Variants in DLG2 observed in about 807,000 individuals in gnomAD.
The protein encoded by DLG2 is disks large homolog 2.
DLG2 carries 45 observed loss-of-function variants against 132.5 expected under a neutral mutation model. That is an observed-to-expected ratio of 0.34 (90% CI 0.27 to 0.44). The LOEUF (loss-of-function observed/expected upper bound fraction) is 0.44, where lower values mean the gene tolerates loss of function less well. Among genes scored for constraint, DLG2 ranks in the 20% least tolerant of loss-of-function variants. The pLI is 1.00. For synonymous variants in DLG2, 424 were observed against 419.6 expected (o/e 1.01, Z -0.13); for missense variants, 1,045 against 1,196.9 (o/e 0.87, Z 1.87).
chr11:84,639,563 T>C (rs915425472), intron 6 of DLG2, among the ~76,000 whole-genome samples: 5 of 152,196 alleles, frequency 3.3e-5, no homozygotes, highest in African/African-American at 7.2e-5. Flanking sequence ...TTCCAGGGCA[T>C]TGGTGAGGTC....
chr11:84,351,530 A>C (rs2098571197), intron 7 of DLG2, among the ~76,000 whole-genome samples: 1 of 152,228 alleles, frequency 6.6e-6, no homozygotes, highest in African/African-American at 2.4e-5. Context: ...TTTACCTTAA[A>C]AAATATTAAT....
At chr11:84,135,047 T>C (rs921279974) in intron 9 of DLG2, among the ~76,000 whole-genome samples, 2 of 152,162 alleles carry the variant, frequency 1.3e-5, no homozygotes, top group Non-Finnish European at 2.9e-5. Context: ...ATCTAATATA[T>C]TACTTATCTA....
At chr11:84,703,301 G>A (rs748845033) in intron 6 of DLG2, among the ~76,000 whole-genome samples, 1 of 151,544 alleles carries the variant, frequency 6.6e-6, no homozygotes, top group Non-Finnish European at 1.5e-5. Flanking sequence ...TGTGTCTACT[G>A]TAGTAGGGTT....
chr11:84,395,825 T>C (rs1337208276), intron 7 of DLG2, among the ~76,000 whole-genome samples: 1 of 152,254 alleles, frequency 6.6e-6, no homozygotes, highest in Non-Finnish European at 1.5e-5. Flanking sequence ...TTTAAAAATA[T>C]ATTGTATCCA....
At chr11:83,755,115 T>C (rs1411417176) in intron 18 of DLG2, among the ~76,000 whole-genome samples, 2 of 151,390 alleles carry the variant, frequency 1.3e-5, no homozygotes, top group Non-Finnish European at 2.9e-5. Flanking sequence ...ACTTTTACCT[T>C]ATTTCAAAGA....
intron 3 of DLG2, among the ~76,000 whole-genome samples, chr11:85,380,549 A>G (rs1327625156): frequency 1.3e-5 from 2 of 152,104 alleles, no homozygotes; most frequent in South Asian, 2.1e-4. Flanking sequence ...AATCCCAACT[A>G]CTCGGGAGGC....
intron 18 of DLG2, among the ~76,000 whole-genome samples, chr11:83,698,871 G>C (rs1453067328): frequency 6.6e-6 from 1 of 152,140 alleles, no homozygotes; most frequent in East Asian, 1.9e-4. Context: ...AACCCGCCAG[G>C]TGGGATCAGG....
rs1027516507 is a variant in DLG2, at chr11:84,891,885, TA to T, written c.357+219775del. ...TCTATATTAAAAGTCAGATGAGGGATAAAAAAATAGGATGCACCATTTATTA... is the reference window on the plus strand; with the variant it reads ...TCTATATTAAAAGTCAGATGAGGGATAAAAAATAGGATGCACCATTTATTA... On this transcript the variant is annotated intron_variant, in intron 6 of 27. Coordinates refer to ENST00000376104, the MANE Select transcript of DLG2 (RefSeq NM_001142699.3). Among the ~76,000 whole-genome samples the T allele has an allele frequency of 2.0e-5, 3 of 152,104 alleles. 1 individual carries two copies. Among genetic ancestry groups the T allele is most frequent in the Non-Finnish European group, 4.4e-5 (3 of 67,984 alleles).
intron 3 of DLG2, among the ~76,000 whole-genome samples, chr11:85,436,660 A>G (rs1332453714): frequency 6.6e-6 from 1 of 152,108 alleles, no homozygotes; most frequent in Non-Finnish European, 1.5e-5. Flanking sequence ...ACAACGGATA[A>G]TGGTGAGGCT....
intron 3 of DLG2, among the ~76,000 whole-genome samples, chr11:85,378,576 G>A (rs983787058): frequency 2.0e-5 from 3 of 151,984 alleles, no homozygotes; most frequent in Non-Finnish European, 4.4e-5. Context: ...AGATAGATGT[G>A]TGTGTGCAAG....
chr11:84,850,785 T>G (rs140861828), intron 6 of DLG2, among the ~76,000 whole-genome samples: 13 of 152,184 alleles, frequency 8.5e-5, no homozygotes, highest in African/African-American at 3.1e-4. Context: ...AGAAAACAAT[T>G]TTATTTTTAA....
chr11:85,482,020 T>C (rs940766330), intron 3 of DLG2, among the ~76,000 whole-genome samples: 9 of 150,694 alleles, frequency 6.0e-5, no homozygotes, highest in African/African-American at 2.2e-4. Flanking sequence ...GGCCCCAAGC[T>C]CCAGATCAGA....
At chr11:85,287,540 C>T (rs2152764011) in intron 3 of DLG2, among the ~76,000 whole-genome samples, 1 of 152,122 alleles carries the variant, frequency 6.6e-6, no homozygotes, top group African/African-American at 2.4e-5. Flanking sequence ...GACATGAATC[C>T]TTGGTAACTT....
intron 21 of DLG2, among the ~76,000 whole-genome samples, chr11:83,527,515 A>C (rs940051661): frequency 1.3e-5 from 2 of 152,112 alleles, no homozygotes; most frequent in African/African-American, 4.8e-5. Context: ...GTTTGAGACC[A>C]GCCTGGGCAA....
chr11:83,871,908 A>T (rs1324861493), intron 16 of DLG2, among the ~76,000 whole-genome samples: 1 of 152,172 alleles, frequency 6.6e-6, no homozygotes, highest in African/African-American at 2.4e-5. Flanking sequence ...ACTTAGACTA[A>T]GTGTATATTT....
chr11:84,407,988 G>T (rs1302500692), intron 7 of DLG2, among the ~76,000 whole-genome samples: 1 of 152,152 alleles, frequency 6.6e-6, no homozygotes, highest in Non-Finnish European at 1.5e-5. Flanking sequence ...AAGTTAAACA[G>T]ATCCTACTAG....
chr11:84,985,776 T>G (rs889788660), intron 6 of DLG2, among the ~76,000 whole-genome samples: 1 of 151,984 alleles, frequency 6.6e-6, no homozygotes, highest in Admixed American at 6.6e-5. Flanking sequence ...GCGGATCACT[T>G]GAGGTCAGGA....
At chr11:84,754,977 A>G (rs115463392) in intron 6 of DLG2, among the ~76,000 whole-genome samples, 1,580 of 152,306 alleles carry the variant, frequency 0.01, 23 homozygotes, top group African/African-American at 0.027. Context: ...AAAATGAATG[A>G]ATTAAAGGCT....
At chr11:84,582,498 A>G (rs1256228589) in intron 6 of DLG2, among the ~76,000 whole-genome samples, 1 of 148,748 alleles carries the variant, frequency 6.7e-6, no homozygotes, top group African/African-American at 2.4e-5. Flanking sequence ...ACATACATAC[A>G]TATATATAAA....
Sources: gnomAD v4.1 joint callset for allele counts (sites outside exome capture counted in the v4.1 genomes callset) on GRCh38, gnomAD v4.1.1 for gene constraint, MANE v1.5 for transcripts, NCBI Gene and HGNC (gene_info 2026-07-23, HGNC 2026-07-21) for gene names.